The following ELP4 variants were observed in gnomAD, a reference collection of about 807,000 sequenced individuals.
The protein encoded by ELP4 is elongator acetyltransferase complex subunit 4.
In ELP4, 51 loss-of-function variants were observed where a neutral mutation model predicts 48.9. That is an observed-to-expected ratio of 1.04 (90% confidence interval 0.83 to 1.32). The LOEUF is 1.32. ELP4 is among the 40% of genes most tolerant of loss of function. ELP4 has a pLI of 0.00. For synonymous variants in ELP4, 210 were observed against 189.2 expected, an observed-to-expected ratio of 1.11 and a Z score of -0.90; for missense variants, 519 against 514.6, an observed-to-expected ratio of 1.01 and a Z score of -0.08.
chr11:31,737,934 T>C lies in ELP4; in HGVS notation c.1144-45459T>C, dbSNP rs1324609640. ...ACATATGATGCAGCAATTCGACTTC[T>C]GGCTATTTATGCAAAAGAATTGAAA... is the stretch of plus-strand genomic sequence containing the variant. On this transcript the variant is annotated intron_variant, in intron 9 of 9. Coordinates refer to ENST00000640961, the MANE Select transcript of ELP4 (RefSeq NM_019040.5). 2.6e-5 allele frequency among the ~76,000 whole-genome samples: 4 copies of C among 152,310 alleles called. No homozygotes were observed. The South Asian group carries it at 8.3e-4, about 32-fold the overall frequency.
chr11:31,616,143 A>C (rs1281208167), intron 5 of ELP4, among the ~76,000 whole-genome samples: 1 of 152,022 alleles, frequency 6.6e-6, no homozygotes. Context: ...AAAAAGACCA[A>C]AGTTGGAAGT....
intron 3 of ELP4, among the ~76,000 whole-genome samples, chr11:31,569,699 C>A (rs1470121276): frequency 6.6e-6 from 1 of 152,106 alleles, no homozygotes; most frequent in Non-Finnish European, 1.5e-5. Flanking sequence ...GTACTCCAGC[C>A]TGGGTGACAG....
chr11:31,790,283 T>G lies in ELP4; in HGVS notation c.*6759T>G, dbSNP rs1031882959. ...AAGAAAAAAAAAATCCTCTGTTTGT[T>G]TGCATGTTTGGAACTTTTACAATAA... On this transcript the variant is annotated 3_prime_UTR_variant, in exon 10 of 10. Coordinates refer to ENST00000640961, the MANE Select transcript of ELP4 (RefSeq NM_019040.5). The G allele has an allele frequency of 3.4e-6, 2 of 581,144 alleles. No homozygotes were observed. Among genetic ancestry groups the G allele is most frequent in the Non-Finnish European group, 5.4e-6 (2 of 372,258 alleles). The allele number at this position is 581,144 out of a possible 1,614,324, so 36.0% of individuals were successfully genotyped here. A position where few individuals can be genotyped will look rare whatever the true frequency, so the allele number is the denominator to read the frequency against.
At chr11:31,641,735 G>A (rs1408858685) in intron 7 of ELP4, among the ~76,000 whole-genome samples, 1 of 151,826 alleles carries the variant, frequency 6.6e-6, no homozygotes, top group Non-Finnish European at 1.5e-5. Context: ...TTCCCAGCCA[G>A]TCTCCCATCT....
At chr11:31,657,384 T>C (rs1945459612) in intron 9 of ELP4, among the ~76,000 whole-genome samples, 1 of 152,040 alleles carries the variant, frequency 6.6e-6, no homozygotes, top group Non-Finnish European at 1.5e-5. Flanking sequence ...CTCAGTGTAA[T>C]GTATTTTATA....
At chr11:31,528,429 G>A (rs1173084923) in intron 2 of ELP4, among the ~76,000 whole-genome samples, 1 of 152,024 alleles carries the variant, frequency 6.6e-6, no homozygotes, top group Non-Finnish European at 1.5e-5. Context: ...CTAAACATGA[G>A]GTGATGTTTG....
chr11:31,553,810 T>C (rs2133932169), intron 3 of ELP4, among the ~76,000 whole-genome samples: 1 of 151,776 alleles, frequency 6.6e-6, no homozygotes, highest in East Asian at 1.9e-4. Context: ...AATACAGTTT[T>C]TAATGTTTTA....
At chr11:31,713,913 A>G (rs527584488) in intron 9 of ELP4, among the ~76,000 whole-genome samples, 2 of 152,172 alleles carry the variant, frequency 1.3e-5, no homozygotes, top group Non-Finnish European at 2.9e-5. Flanking sequence ...AATAACAAAC[A>G]ATAATGTGCA....
intron 9 of ELP4, among the ~76,000 whole-genome samples, chr11:31,692,483 C>T (rs1424992587): frequency 1.3e-5 from 2 of 152,096 alleles, no homozygotes; most frequent in Non-Finnish European, 2.9e-5. Flanking sequence ...TCTGAATTGA[C>T]CTAATCTTTG....
Position 31,783,634 on chromosome 11 carries a change from A to C in ELP4, c.*110A>C, listed in dbSNP as rs1166361876. ...AATTTGACCCTCCACTCCTTGAAAA[A>C]CACAGGATTATAAAATGGTGCCGCC... On this transcript the variant is annotated 3_prime_UTR_variant, in exon 10 of 10. Coordinates refer to ENST00000640961, the MANE Select transcript of ELP4 (RefSeq NM_019040.5). 9.9e-7 allele frequency: 1 copy of C among 1,012,912 alleles called. No individual in the cohort carries two copies. The highest frequency in any genetic ancestry group is 1.4e-6 in the Non-Finnish European group (1 of 726,428). 62.7% of individuals were successfully genotyped at this position (1,012,912 alleles called of 1,614,324 possible). A position where few individuals can be genotyped will look rare whatever the true frequency, so the allele number is the denominator to read the frequency against.
At chr11:31,691,443 T>C (rs1367624008) in intron 9 of ELP4, among the ~76,000 whole-genome samples, 1 of 152,112 alleles carries the variant, frequency 6.6e-6, no homozygotes, top group Non-Finnish European at 1.5e-5. Flanking sequence ...TTCATTCAGC[T>C]TCTGGCCTTT....
intron 5 of ELP4, among the ~76,000 whole-genome samples, chr11:31,604,459 C>T (rs1205744378): frequency 1.3e-5 from 2 of 151,678 alleles, no homozygotes; most frequent in Non-Finnish European, 3.0e-5. Context: ...TTTTAAGTAT[C>T]AAAACAATGC....
chr11:31,613,716 CT>C lies in ELP4; in HGVS notation c.653+9826del, dbSNP rs570320794. 9.4e-3 allele frequency among the ~76,000 whole-genome samples: 1,188 copies of C among 126,286 alleles called. 4 individuals are homozygous for C. Among genetic ancestry groups the C allele is most frequent in the African/African-American group, 0.023 (788 of 34,328 alleles). The allele number at this position is 126,286 out of a possible 152,430, so 82.8% of individuals were successfully genotyped here. A position where few individuals can be genotyped will look rare whatever the true frequency, so the allele number is the denominator to read the frequency against. The stretch of plus-strand genomic sequence containing the variant: ...TTGAATTTTTATGATGAACAAGAGT[CT>C]TTTTTTTTTTTTTTTTGAGATGGAG... On this transcript the variant is annotated intron_variant, in intron 5 of 9. Coordinates refer to ENST00000640961, the MANE Select transcript of ELP4 (RefSeq NM_019040.5).
At chr11:31,733,697 T>A (rs1056175084) in intron 9 of ELP4, among the ~76,000 whole-genome samples, 1 of 152,076 alleles carries the variant, frequency 6.6e-6, no homozygotes, top group Non-Finnish European at 1.5e-5. Flanking sequence ...AAAATATAAT[T>A]AATAAGGCTA....
chr11:31,679,246 T>G (rs764244198), intron 9 of ELP4, among the ~76,000 whole-genome samples: 2 of 152,186 alleles, frequency 1.3e-5, no homozygotes, highest in Non-Finnish European at 2.9e-5. Flanking sequence ...ATAATCTATA[T>G]TCATGTACCA....
At chr11:31,583,275 ATAT>A (rs1957419757) in intron 3 of ELP4, among the ~76,000 whole-genome samples, 1 of 152,176 alleles carries the variant, frequency 6.6e-6, no homozygotes, top group South Asian at 2.1e-4. Flanking sequence ...GATGTTTACT[ATAT>A]TATTCTCTAT....
chr11:31,732,078 A>G (rs1947201593), intron 9 of ELP4, among the ~76,000 whole-genome samples: 1 of 152,200 alleles, frequency 6.6e-6, no homozygotes, highest in Non-Finnish European at 1.5e-5. Flanking sequence ...AGTTGAAATG[A>G]AAAGACACTA....
At chr11:31,554,878 C>A (rs1460060270) in intron 3 of ELP4, among the ~76,000 whole-genome samples, 1 of 152,236 alleles carries the variant, frequency 6.6e-6, no homozygotes, top group South Asian at 2.1e-4. Flanking sequence ...AGACAAAAAC[C>A]AAATTGTCTT....
At chr11:31,591,178 G>A (rs571405388) in intron 3 of ELP4, among the ~76,000 whole-genome samples, 1 of 152,124 alleles carries the variant, frequency 6.6e-6, no homozygotes, top group African/African-American at 2.4e-5. Flanking sequence ...AGACCAAGGT[G>A]GGTGGATCAC....
Sources: gnomAD v4.1 joint callset for allele counts (sites outside exome capture counted in the v4.1 genomes callset) on GRCh38, gnomAD v4.1.1 for gene constraint, MANE v1.5 for transcripts, NCBI Gene and HGNC (gene_info 2026-07-23, HGNC 2026-07-21) for gene names.